Variants in POU6F2 observed in about 807,000 individuals in gnomAD.
POU6F2 encodes POU domain, class 6, transcription factor 2.
POU6F2 carries 31 observed loss-of-function variants against 71.3 expected under a neutral mutation model. The observed-to-expected ratio is 0.43, with a 90% CI of 0.33 to 0.59. The LOEUF (loss-of-function observed/expected upper bound fraction) is 0.59, where lower values mean the gene tolerates loss of function less well. Ranked by LOEUF, POU6F2 falls within the 20% of genes least tolerant of loss-of-function variation. The pLI is 0.04. For synonymous variants in POU6F2, 347 were observed against 355.7 expected, an observed-to-expected ratio of 0.98 and a Z score of 0.27; for missense variants, 783 against 856.8, an observed-to-expected ratio of 0.91 and a Z score of 1.07.
chr7:39,161,010 A>G (rs551329848), intron 2 of POU6F2, among the ~76,000 whole-genome samples: 1 of 152,154 alleles, frequency 6.6e-6, no homozygotes, highest in South Asian at 2.1e-4. Flanking sequence ...TATTTTGTGC[A>G]CAGAGTAGTA....
rs572600776 is a variant in POU6F2, at chr7:39,226,412, A to G, written c.598+18792A>G. 4.6e-5 allele frequency among the ~76,000 whole-genome samples: 7 copies of G among 152,294 alleles called. No individual in the cohort carries two copies. In the South Asian group the frequency reaches 1.5e-3, roughly 32 times the overall value. On this transcript the variant is annotated intron_variant, in intron 4 of 9. Coordinates refer to ENST00000518318, the MANE Select transcript of POU6F2 (RefSeq NM_001370959.1). ...CACTTTTTTCAGCTACTGTTGTTGA[A>G]TGCATTCAGCCTTTTACTTGAGGTT...
chr7:39,107,039 C>CTTTTTTTT (rs70977458), intron 2 of POU6F2, among the ~76,000 whole-genome samples: 23 of 130,880 alleles, frequency 1.8e-4, no homozygotes, highest in Non-Finnish European at 2.1e-4. Flanking sequence ...TTCTTTCTTT[C>CTTTTTTTT]TTTTTTTTTT....
chr7:39,449,679 C>G (rs933450251), intron 7 of POU6F2, among the ~76,000 whole-genome samples: 2 of 152,004 alleles, frequency 1.3e-5, no homozygotes, highest in Admixed American at 6.6e-5. Context: ...TCATCATAGC[C>G]CCAAACTGGA....
intron 2 of POU6F2, among the ~76,000 whole-genome samples, chr7:39,195,819 G>C (rs1306726031): frequency 6.6e-6 from 1 of 152,114 alleles, no homozygotes; most frequent in Non-Finnish European, 1.5e-5. Flanking sequence ...GCGTTCTCTA[G>C]CCTTGCCATT....
At chr7:39,192,812 G>A (rs181259854) in intron 2 of POU6F2, among the ~76,000 whole-genome samples, 1 of 152,176 alleles carries the variant, frequency 6.6e-6, no homozygotes, top group African/African-American at 2.4e-5. Flanking sequence ...AGGAGCTGTG[G>A]GTGCATTCCT....
chr7:39,393,316 C>T (rs928188323), intron 5 of POU6F2, among the ~76,000 whole-genome samples: 1 of 152,102 alleles, frequency 6.6e-6, no homozygotes, highest in East Asian at 1.9e-4. Flanking sequence ...TTTTTCCTAA[C>T]GACATAGTTC....
intron 4 of POU6F2, among the ~76,000 whole-genome samples, chr7:39,270,793 T>A (rs1275816456): frequency 1.3e-5 from 2 of 152,170 alleles, no homozygotes; most frequent in Non-Finnish European, 2.9e-5. Context: ...ATAGAAACCC[T>A]CCTAGATTAC....
intron 4 of POU6F2, among the ~76,000 whole-genome samples, chr7:39,322,142 G>A (rs961296656): frequency 3.3e-5 from 5 of 152,152 alleles, no homozygotes; most frequent in African/African-American, 9.7e-5. Flanking sequence ...TCCTATTAGC[G>A]AATCTGTGCT....
Position 39,464,839 on chromosome 7 carries a change from A to G in POU6F2, c.*153A>G, listed in dbSNP as rs1348430304. The G allele has an allele frequency of 6.0e-6, 6 of 999,646 alleles. No individual in the cohort carries two copies. The East Asian group carries it at 1.1e-4, about 18-fold the overall frequency. The allele number at this position is 999,646 out of a possible 1,614,324, so 61.9% of individuals were successfully genotyped here. On this transcript the variant is annotated 3_prime_UTR_variant, in exon 10 of 10. Coordinates refer to ENST00000518318, the MANE Select transcript of POU6F2 (RefSeq NM_001370959.1). The surrounding 1 kb of genome is among the most constrained non-coding windows in gnomAD (Gnocchi z 4.1). The stretch of plus-strand genomic sequence containing the variant: ...AAGTAAATGACTAAGAAAACTACCA[A>G]GTGGACAGAATGGTTTCTACATGTC...
chr7:39,173,146 ATCT>A (rs1793259045), intron 2 of POU6F2, among the ~76,000 whole-genome samples: 2 of 152,312 alleles, frequency 1.3e-5, no homozygotes, highest in Non-Finnish European at 2.9e-5. Flanking sequence ...TATCTTATAA[ATCT>A]TCTTGTGTTA....
chr7:39,031,141 C>T (rs897557536), intron 1 of POU6F2, among the ~76,000 whole-genome samples: 6 of 152,060 alleles, frequency 3.9e-5, no homozygotes, highest in Non-Finnish European at 7.4e-5. Context: ...CCTCGTGATC[C>T]GCCCTCCTCG....
chr7:39,179,594 C>T (rs1169101389), intron 2 of POU6F2, among the ~76,000 whole-genome samples: 4 of 152,232 alleles, frequency 2.6e-5, no homozygotes, highest in Non-Finnish European at 5.9e-5. Context: ...ATAGAAACCA[C>T]CTGGGGATCT....
chr7:39,267,843 A>T (rs989545788), intron 4 of POU6F2, among the ~76,000 whole-genome samples: 7 of 152,130 alleles, frequency 4.6e-5, no homozygotes, highest in Admixed American at 4.6e-4. Context: ...TTCATTCCTC[A>T]TGTCAGAATT....
chr7:39,042,503 G>A (rs1273111646), intron 1 of POU6F2, among the ~76,000 whole-genome samples: 1 of 151,988 alleles, frequency 6.6e-6, no homozygotes, highest in Non-Finnish European at 1.5e-5. Flanking sequence ...TCTGAGTGAC[G>A]AGAGTGAACA....
intron 7 of POU6F2, among the ~76,000 whole-genome samples, chr7:39,433,899 G>A (rs964538880): frequency 1.3e-5 from 2 of 152,196 alleles, no homozygotes; most frequent in Non-Finnish European, 2.9e-5. Flanking sequence ...CAAACATTTT[G>A]TGATAACCTA....
In POU6F2 at chr7:39,266,490, C is replaced by T. The variant is rs148748263; in HGVS notation, c.598+58870C>T. ...CCTCAACCCAGCCCAGGGATTGGTC[C>T]CTTGCATCTCCCTGTGTGGTGATTT... On this transcript the variant is annotated intron_variant, in intron 4 of 9. Transcript: ENST00000518318. Among the ~76,000 whole-genome samples the T allele has an allele frequency of 2.3e-3, 349 of 152,178 alleles. 4 individuals are homozygous for T. The highest frequency in any genetic ancestry group is 8.0e-3 in the African/African-American group (333 of 41,536).
chr7:39,150,538 C>G (rs1328818588), intron 2 of POU6F2, among the ~76,000 whole-genome samples: 1 of 138,398 alleles, frequency 7.2e-6, no homozygotes, highest in Admixed American at 7.8e-5. Flanking sequence ...GTGATCTCGG[C>G]TCACTACAAC....
At chr7:39,390,966 A>C (rs1429277464) in intron 5 of POU6F2, among the ~76,000 whole-genome samples, 1 of 152,126 alleles carries the variant, frequency 6.6e-6, no homozygotes, top group African/African-American at 2.4e-5. Flanking sequence ...TTCATTCCCA[A>C]ACCTTTCATT....
At chr7:39,427,656 G>C (rs1360673729) in intron 6 of POU6F2, among the ~76,000 whole-genome samples, 1 of 152,300 alleles carries the variant, frequency 6.6e-6, no homozygotes, top group African/African-American at 2.4e-5. Context: ...AATGTGCTGA[G>C]ATTGTACAAA....
Sources: gnomAD v4.1 joint callset for allele counts (sites outside exome capture counted in the v4.1 genomes callset) on GRCh38, gnomAD v4.1.1 for gene constraint, Gnocchi (gnomAD v3.1) non-coding constraint, MANE v1.5 for transcripts, NCBI Gene and HGNC (gene_info 2026-07-23, HGNC 2026-07-21) for gene names.